DLC1: variants seen among roughly 807,000 people sequenced by gnomAD.
The protein encoded by DLC1 is DLC1 Rho GTPase activating protein, also known as rho GTPase-activating protein 7.
A neutral mutation model predicts 140.3 loss-of-function variants in DLC1; 54 were observed. That is an observed-to-expected ratio of 0.38 (90% CI 0.31 to 0.48). The LOEUF (loss-of-function observed/expected upper bound fraction) is 0.48. Among genes scored for constraint, DLC1 ranks in the 20% least tolerant of loss-of-function variants. DLC1 has a pLI of 0.96. For synonymous variants in DLC1, 986 were observed against 728.1 expected (o/e 1.35, Z -5.70); for missense variants, 2,536 against 1,907.0 (o/e 1.33, Z -6.14).
intron 1 of DLC1, among the ~76,000 whole-genome samples, chr8:13,509,498 A>T (rs965103916): frequency 3.3e-5 from 5 of 152,172 alleles, no homozygotes; most frequent in Admixed American, 3.3e-4. Context: ...GCTTATTTTT[A>T]TCACCAAGTG....
intron 5 of DLC1, among the ~76,000 whole-genome samples, chr8:13,235,212 A>G (rs1829224380): frequency 6.6e-6 from 1 of 152,030 alleles, no homozygotes; most frequent in Non-Finnish European, 1.5e-5. Flanking sequence ...TTTTACTTCT[A>G]TTTGGCAGGT....
At chr8:13,579,805 G>A (rs187165088) in intron 1 of DLC1, among the ~76,000 whole-genome samples, 1 of 151,698 alleles carries the variant, frequency 6.6e-6, no homozygotes, top group African/African-American at 2.4e-5. Flanking sequence ...TAGAAGTGTG[G>A]CCCTCTGCAT....
At chr8:13,259,958 T>C (rs546497019) in intron 5 of DLC1, among the ~76,000 whole-genome samples, 10 of 152,018 alleles carry the variant, frequency 6.6e-5, no homozygotes, top group East Asian at 1.9e-4. Context: ...TCAGTAAAGG[T>C]TGAGATTGTT....
At chr8:13,468,509 G>T (rs1253247792) in intron 2 of DLC1, among the ~76,000 whole-genome samples, 2 of 151,180 alleles carry the variant, frequency 1.3e-5, no homozygotes, top group African/African-American at 4.9e-5. Flanking sequence ...AGATAGCTAG[G>T]ACTACAGATG....
intron 5 of DLC1, among the ~76,000 whole-genome samples, chr8:13,212,420 T>A (rs1329562554): frequency 6.6e-6 from 1 of 152,210 alleles, no homozygotes; most frequent in African/African-American, 2.4e-5. Context: ...AGGGGTTGCC[T>A]CTGCATTTAT....
intron 2 of DLC1, among the ~76,000 whole-genome samples, chr8:13,472,411 T>C (rs1401623493): frequency 6.6e-6 from 1 of 152,248 alleles, no homozygotes; most frequent in African/African-American, 2.4e-5. Flanking sequence ...ATCCAATGTT[T>C]AGTTTTCTAT....
intron 2 of DLC1, among the ~76,000 whole-genome samples, chr8:13,448,937 G>T (rs1267929871): frequency 6.6e-6 from 1 of 152,122 alleles, no homozygotes; most frequent in Non-Finnish European, 1.5e-5. Flanking sequence ...AGGTTTTGGA[G>T]CATCTGTTCT....
At chr8:13,274,638 A>G (rs868168022) in intron 5 of DLC1, among the ~76,000 whole-genome samples, 15 of 152,238 alleles carry the variant, frequency 9.9e-5, no homozygotes, top group Admixed American at 2.6e-4. Flanking sequence ...ACAACTTTCC[A>G]GGGATAACAT....
At chr8:13,325,340 T>C (rs577331117) in intron 4 of DLC1, among the ~76,000 whole-genome samples, 5 of 152,276 alleles carry the variant, frequency 3.3e-5, no homozygotes, top group South Asian at 4.1e-4. Flanking sequence ...AAAGGGATAA[T>C]GTGATACGTA....
intron 2 of DLC1, among the ~76,000 whole-genome samples, chr8:13,445,723 T>C (rs767899338): frequency 5.3e-5 from 8 of 152,144 alleles, no homozygotes; most frequent in Non-Finnish European, 1.0e-4. Flanking sequence ...GTACAACAGC[T>C]GTAGGAGAAA....
At chr8:13,244,544 C>T (rs1402982885) in intron 5 of DLC1, among the ~76,000 whole-genome samples, 4 of 152,060 alleles carry the variant, frequency 2.6e-5, no homozygotes, top group Non-Finnish European at 5.9e-5. Context: ...AGTGATCCTC[C>T]CACTTCAGTC....
chr8:13,351,887 A>G (rs1038927328), intron 4 of DLC1, among the ~76,000 whole-genome samples: 2 of 152,254 alleles, frequency 1.3e-5, no homozygotes, highest in East Asian at 3.8e-4. Flanking sequence ...TGTCATGAAT[A>G]TAATAACATA....
At chr8:13,092,544 G>C in intron 13 of DLC1, 68 bp downstream of exon 13, 1 of 1,533,054 alleles carries the variant, frequency 6.5e-7, no homozygotes, top group South Asian at 1.2e-5. Context: ...CAAAACCACA[G>C]CTACGGAGAG....
chr8:13,142,230 A>T (rs563319149), intron 5 of DLC1, among the ~76,000 whole-genome samples: 1 of 152,198 alleles, frequency 6.6e-6, no homozygotes, highest in African/African-American at 2.4e-5. Flanking sequence ...TAAATTACCC[A>T]GTCTTGGGTA....
At chr8:13,513,096 A>G (rs1802450819) in intron 1 of DLC1, among the ~76,000 whole-genome samples, 1 of 151,834 alleles carries the variant, frequency 6.6e-6, no homozygotes. Context: ...ATAAAAAGGT[A>G]TCTGAATTAT....
chr8:13,565,693 G>A (rs1179324941), intron 1 of DLC1, among the ~76,000 whole-genome samples: 1 of 152,032 alleles, frequency 6.6e-6, no homozygotes, highest in Non-Finnish European at 1.5e-5. Context: ...AAGAAACACA[G>A]GAAGAAAGAG....
chr8:13,345,097 G>A (rs1223686611), intron 4 of DLC1, among the ~76,000 whole-genome samples: 56 of 152,100 alleles, frequency 3.7e-4, no homozygotes, highest in Admixed American at 3.7e-3. Flanking sequence ...TACTTATTTT[G>A]CAGACGAGGA....
chr8:13,234,830 AAG>A (rs1829208692), intron 5 of DLC1, among the ~76,000 whole-genome samples: 1 of 152,132 alleles, frequency 6.6e-6, no homozygotes, highest in Non-Finnish European at 1.5e-5. Context: ...TGGCAAAGAA[AAG>A]AGAGACTTGT....
intron 1 of DLC1, among the ~76,000 whole-genome samples, chr8:13,526,391 G>T (rs760308055): frequency 2.0e-5 from 3 of 152,110 alleles, no homozygotes; most frequent in Non-Finnish European, 4.4e-5. Flanking sequence ...TGGATCAATT[G>T]CAGGAAAACT....
Sources: allele counts gnomAD v4.1 joint callset (sites outside exome capture counted in the v4.1 genomes callset), GRCh38; gene constraint gnomAD v4.1.1; transcripts MANE v1.5; gene names NCBI Gene and HGNC (gene_info 2026-07-23, HGNC 2026-07-21).